DNMBP: variants seen among roughly 807,000 people sequenced by gnomAD.
The protein encoded by DNMBP is dynamin binding protein.
A neutral mutation model predicts 150.0 loss-of-function variants in DNMBP; 87 were observed. The observed-to-expected ratio is 0.58, with a 90% CI of 0.49 to 0.69. DNMBP has a LOEUF of 0.69. Among genes scored for constraint, DNMBP ranks in the 30% least tolerant of loss-of-function variants. DNMBP has a pLI of 0.00. For synonymous variants in DNMBP, 711 were observed against 750.4 expected (o/e 0.95, Z 0.86); for missense variants, 1,774 against 1,949.0 (o/e 0.91, Z 1.69).
chr10:99,950,527 G>A (rs1326709115), intron 4 of DNMBP, among the ~76,000 whole-genome samples: 1 of 152,166 alleles, frequency 6.6e-6, no homozygotes, highest in African/African-American at 2.4e-5. Context: ...GAATGACTTT[G>A]ACCAAAATGC....
chr10:99,888,306 G>T (rs1226953124), intron 12 of DNMBP, among the ~76,000 whole-genome samples: 1 of 151,802 alleles, frequency 6.6e-6, no homozygotes, highest in African/African-American at 2.4e-5. Context: ...CTCCTCCTGG[G>T]TTCAAGCTAT....
chr10:99,932,546 A>G (rs1412023294), intron 4 of DNMBP, among the ~76,000 whole-genome samples: 4 of 151,652 alleles, frequency 2.6e-5, no homozygotes, highest in Non-Finnish European at 5.9e-5. Context: ...GGCTGCATAA[A>G]GCACATAGTT....
chr10:99,949,475 C>T (rs2040395898), intron 4 of DNMBP, among the ~76,000 whole-genome samples: 1 of 152,106 alleles, frequency 6.6e-6, no homozygotes, highest in Admixed American at 6.6e-5. Context: ...TTAATTTCCA[C>T]CTCTTGAGGG....
chr10:99,956,513 G>T lies in DNMBP; in HGVS notation c.961C>A (p.Pro321Thr), dbSNP rs1239325376. 1.2e-6 allele frequency: 2 copies of T among 1,613,924 alleles called. No individual in the cohort carries two copies. Among genetic ancestry groups the T allele is most frequent in the African/African-American group, 2.7e-5 (2 of 74,842 alleles). The change falls in exon 4 of 17, where the codon CCG (proline) becomes ACG (threonine). Residue 321 changes from proline (P) to threonine (T), a missense_variant. Transcript: ENST00000324109. ...LPQEGSLARI[P>T]ETSLDCLENT... ...TCCAAACAATCCAAAGAAGTTTCCG[G>T]GATCCTGGCAAGGCTGCCTTCCTGG...
intron 15 of DNMBP, among the ~76,000 whole-genome samples, chr10:99,880,890 A>G (rs2039356953): frequency 6.6e-6 from 1 of 152,212 alleles, no homozygotes; most frequent in South Asian, 2.1e-4. Flanking sequence ...GCTTGAGCCC[A>G]GTTCCCTGGT....
rs532226561 is a variant in DNMBP at position 99,970,971 on chromosome 10, CAA to C, written c.145+1007_145+1008del. On this transcript the variant is annotated intron_variant, in intron 2 of 16. Coordinates refer to ENST00000324109, the MANE Select transcript of DNMBP (RefSeq NM_015221.4). ...TGGGCAACAGAGCAAGACTCCGTCTCAAAAAAAAAAAAAAAAAAAAAAAAAAA... is the reference window on the plus strand; with the variant it reads ...TGGGCAACAGAGCAAGACTCCGTCTCAAAAAAAAAAAAAAAAAAAAAAAAA... 3.3e-3 allele frequency among the ~76,000 whole-genome samples: 110 copies of C among 33,190 alleles called. 6 individuals carry two copies. The highest frequency in any genetic ancestry group is 7.8e-3 in the South Asian group (4 of 510). 21.8% of individuals were successfully genotyped at this position (33,190 alleles called of 152,430 possible). A position where few individuals can be genotyped will look rare whatever the true frequency, so the allele number is the denominator to read the frequency against.
chr10:99,877,221 C>T lies in DNMBP; in HGVS notation c.4664G>A (p.Trp1555Ter), dbSNP rs931771798. 7 of 1,613,988 alleles carry T rather than the reference C, an allele frequency of 4.3e-6. No individual in the cohort carries two copies. Among genetic ancestry groups the T allele is most frequent in the Non-Finnish European group, 5.9e-6 (7 of 1,179,966 alleles). ...CTTCTTCCCGTTAACCTCAGCTAACCACCACTCTGTATTTCCTGTAACATC... is the reference window on the plus strand; with the variant it reads ...CTTCTTCCCGTTAACCTCAGCTAACTACCACTCTGTATTTCCTGTAACATC... ...FKDVTGNTEW[W>*]LAEVNGKKGY... The change falls in exon 17 of 17, where the codon TGG becomes TAG. Residue 1555 changes from tryptophan (W) to a stop codon, truncating the protein, a stop_gained. Coordinates refer to ENST00000324109, the MANE Select transcript of DNMBP (RefSeq NM_015221.4). LOFTEE classifies it high-confidence loss of function.
intron 4 of DNMBP, among the ~76,000 whole-genome samples, chr10:99,938,581 G>A (rs2040259001): frequency 6.6e-6 from 1 of 152,076 alleles, no homozygotes; most frequent in Non-Finnish European, 1.5e-5. Flanking sequence ...TGGGCAAGTG[G>A]AGAGTGAACA....
chr10:99,960,255 A>G (rs2040548991), intron 3 of DNMBP, among the ~76,000 whole-genome samples: 1 of 152,214 alleles, frequency 6.6e-6, no homozygotes, highest in African/African-American at 2.4e-5. Flanking sequence ...TTATCTGATT[A>G]TAAGCTATTC....
Position 99,885,809 on chromosome 10 carries a change from T to C in DNMBP, c.3676A>G (p.Ser1226Gly), listed in dbSNP as rs758671756. The C allele has an allele frequency of 5.6e-6, 9 of 1,613,220 alleles. No individual in the cohort carries two copies. The highest frequency in any genetic ancestry group is 3.3e-4 in the Middle Eastern group (2 of 6,060). ...NLIAIFHEEH[S>G]RVLQQLQVFT... ...ACCTGGAGTTGCTGCAGAACTCTGC[T>C]GTGCTCTTCGTGGAAGATGGCAATA... Residue 1226 changes from serine (S) to glycine (G), a missense_variant, in exon 14 of 17, where the codon AGC becomes GGC. Ser to Gly is a moderately conservative substitution (Grantham distance 56, BLOSUM62 0). Coordinates refer to ENST00000324109, the MANE Select transcript of DNMBP (RefSeq NM_015221.4).
intron 4 of DNMBP, among the ~76,000 whole-genome samples, chr10:99,911,723 TAAGAC>T (rs754183231): frequency 2.4e-4 from 36 of 152,188 alleles, no homozygotes; most frequent in Non-Finnish European, 5.9e-5. Context: ...AAATAAAACT[TAAGAC>T]ATAACAGAAA....
chr10:99,927,673 T>C (rs1451508792), intron 4 of DNMBP, among the ~76,000 whole-genome samples: 3 of 152,158 alleles, frequency 2.0e-5, no homozygotes, highest in Non-Finnish European at 4.4e-5. Context: ...GAATTTGTTA[T>C]AGGTCAAGAA....
intron 4 of DNMBP, among the ~76,000 whole-genome samples, chr10:99,924,966 T>G (rs1317791571): frequency 6.6e-6 from 1 of 152,260 alleles, no homozygotes; most frequent in South Asian, 2.1e-4. Context: ...ACTGCCCTCC[T>G]AAACTCCCTG....
intron 1 of DNMBP, among the ~76,000 whole-genome samples, chr10:99,990,752 TAC>T (rs978497112): frequency 1.4e-4 from 14 of 99,374 alleles, no homozygotes; most frequent in Non-Finnish European, 2.1e-4. Flanking sequence ...CACATGTATA[TAC>T]ACATATATAC....
At chr10:99,965,527 C>T (rs1429419080) in intron 3 of DNMBP, among the ~76,000 whole-genome samples, 8 of 123,830 alleles carry the variant, frequency 6.5e-5, no homozygotes, top group Non-Finnish European at 9.8e-5. Context: ...GATGGAGTTT[C>T]GCTCTTGTTG....
Position 99,969,095 on chromosome 10 carries a change from C to CT in DNMBP, c.268+19dup. The CT allele has an allele frequency of 6.2e-7, 1 of 1,613,242 alleles. No individual in the cohort carries two copies. The highest frequency in any genetic ancestry group is 8.5e-7 in the Non-Finnish European group (1 of 1,179,638). ...CAAAAATCTAATTTCAAATAGTCTA[C>CT]TATTTGATGAGCAGCTTACCTCGAT... On this transcript the variant is annotated intron_variant, in intron 3 of 16. Coordinates refer to ENST00000324109, the MANE Select transcript of DNMBP (RefSeq NM_015221.4).
At chr10:99,898,865 G>C (rs1279085897) in intron 7 of DNMBP, 105 bp from the exon 8 acceptor site, 3 of 1,106,602 alleles carry the variant, frequency 2.7e-6, no homozygotes, top group Admixed American at 1.9e-5. Flanking sequence ...AAAAAATTAT[G>C]AATGTTTATG....
Position 99,915,108 on chromosome 10 carries a change from A to AAAAAAATATAT in DNMBP, c.2261-5963_2261-5962insATATATTTTTT, listed in dbSNP as rs10654940. Among the ~76,000 whole-genome samples the AAAAAAATATAT allele has an allele frequency of 6.0e-4, 60 of 99,780 alleles. 1 individual carries two copies. Among genetic ancestry groups the AAAAAAATATAT allele is most frequent in the East Asian group, 4.6e-3 (19 of 4,154 alleles). 65.5% of individuals were successfully genotyped at this position (99,780 alleles called of 152,430 possible). Reference sequence around the variant, plus strand: ...AAACTCTGTCTCAAAAAAAAAAAAAAATATATATATATATATATATACACA... The same window carrying AAAAAAATATAT: ...AAACTCTGTCTCAAAAAAAAAAAAAAAAAAAATATATATATATATATATATATATATACACA... On this transcript the variant is annotated intron_variant, in intron 4 of 16. Transcript: ENST00000324109.
chr10:99,946,781 A>C (rs1288955289), intron 4 of DNMBP, among the ~76,000 whole-genome samples: 2 of 152,206 alleles, frequency 1.3e-5, no homozygotes, highest in African/African-American at 4.8e-5. Context: ...AACTATCAAC[A>C]GAGTAAACAG....
Sources: allele counts gnomAD v4.1 joint callset (sites outside exome capture counted in the v4.1 genomes callset), GRCh38; gene constraint gnomAD v4.1.1; transcripts MANE v1.5; gene names NCBI Gene and HGNC (gene_info 2026-07-23, HGNC 2026-07-21).